Variants in ERGIC3 observed in about 807,000 individuals in gnomAD.
The protein encoded by ERGIC3 is ERGIC and golgi 3.
ERGIC3 carries 33 observed loss-of-function variants against 54.7 expected under a neutral mutation model. That is an observed-to-expected ratio of 0.60 (90% CI 0.46 to 0.81). The LOEUF (loss-of-function observed/expected upper bound fraction) is 0.81, where lower values mean the gene tolerates loss of function less well. Ranked by LOEUF, ERGIC3 falls within the 30% of genes least tolerant of loss-of-function variation. ERGIC3 has a pLI of 0.00. For missense variants in ERGIC3, 399 were observed against 488.4 expected (o/e 0.82, Z 1.73); for synonymous variants, 186 against 189.8 (o/e 0.98, Z 0.16).
At chr20:35,552,394 T>C (rs950519194) in intron 7 of ERGIC3, among the ~76,000 whole-genome samples, 1 of 152,172 alleles carries the variant, frequency 6.6e-6, no homozygotes, top group Non-Finnish European at 1.5e-5. Flanking sequence ...AGTCCGCGGC[T>C]GTGAATGCAA....
chr20:35,548,992 C>A, intron 7 of ERGIC3, 127 bp downstream of exon 7: 1 of 1,115,788 alleles, frequency 9.0e-7, no homozygotes, highest in Non-Finnish European at 1.3e-6. Flanking sequence ...GCCTTCATCT[C>A]AGGGCAGCAG....
At chr20:35,557,386 C>A (rs374976400) in intron 12 of ERGIC3, 39 bp from the exon 13 acceptor site, 2 of 1,609,338 alleles carry the variant, frequency 1.2e-6, no homozygotes, top group Non-Finnish European at 1.7e-6. Context: ...AAAGCCAAGG[C>A]CCCCACTGGG....
chr20:35,551,780 C>T (rs913705433), intron 7 of ERGIC3, among the ~76,000 whole-genome samples: 2 of 152,150 alleles, frequency 1.3e-5, no homozygotes, highest in African/African-American at 4.8e-5. Context: ...CATGTACATG[C>T]AACAGTCACT....
At chr20:35,547,541 A>G (rs2147305250) in intron 5 of ERGIC3, 36 bp downstream of exon 5, 1 of 1,591,350 alleles carries the variant, frequency 6.3e-7, no homozygotes, top group Non-Finnish European at 8.6e-7. Context: ...GGTTCCCATC[A>G]GGCGCCATCT....
intron 7 of ERGIC3, chr20:35,554,232 G>C: frequency 8.9e-7 from 1 of 1,125,476 alleles, no homozygotes; most frequent in Non-Finnish European, 1.4e-6. Flanking sequence ...GGGCCCAGAA[G>C]GAGGCTTGTT....
chr20:35,542,477 T>C (rs1601358098), intron 2 of ERGIC3, 36 bp from the exon 3 acceptor site: 1 of 1,613,856 alleles, frequency 6.2e-7, no homozygotes, highest in Non-Finnish European at 8.5e-7. Flanking sequence ...AAGGAGAGGT[T>C]TGGGGCTAAG....
chr20:35,553,032 T>TTTTTTTTTTTTTTTG (rs2064690186), intron 7 of ERGIC3, among the ~76,000 whole-genome samples: 1 of 123,614 alleles, frequency 8.1e-6, no homozygotes, highest in Non-Finnish European at 1.7e-5. Context: ...TTTTTTTTTT[T>TTTTTTTTTTTTTTTG]TTTTTTTTTT....
In ERGIC3 at chr20:35,554,316, T is replaced by C. The variant is rs571876802; in HGVS notation, c.686-728T>C. Reference sequence around the variant, plus strand: ...CCTGCAACATATCTTGCTCTCATAGTTCTCATTGTGAAGCTCTGAATCTTT... The same window carrying C: ...CCTGCAACATATCTTGCTCTCATAGCTCTCATTGTGAAGCTCTGAATCTTT... On this transcript the variant is annotated intron_variant, in intron 7 of 12. Transcript: ENST00000348547. 3.1e-6 allele frequency: 5 copies of C among 1,610,436 alleles called. No individual in the cohort carries two copies. The African/African-American group carries it at 5.3e-5, about 17-fold the overall frequency.
chr20:35,548,459 A>G lies in ERGIC3; in HGVS notation c.462-50A>G, dbSNP rs200914198. 9 of 1,594,196 alleles carry G rather than the reference A, an allele frequency of 5.6e-6. No homozygotes were observed. The East Asian group carries it at 2.0e-4, about 36-fold the overall frequency. On this transcript the variant is annotated intron_variant, in intron 5 of 12. Coordinates refer to ENST00000348547, the MANE Select transcript of ERGIC3 (RefSeq NM_015966.3). The stretch of plus-strand genomic sequence containing the variant: ...GGGCTCTATTTCCCCAGATGCCAGC[A>G]CTGGACTTATGCCTCTTTAACACTC...
At chr20:35,550,058 T>G (rs1253473743) in intron 7 of ERGIC3, among the ~76,000 whole-genome samples, 1 of 151,832 alleles carries the variant, frequency 6.6e-6, no homozygotes, top group African/African-American at 2.4e-5. Flanking sequence ...CAAGGCAGGA[T>G]AAAGATGGTA....
intron 4 of ERGIC3, chr20:35,543,852 G>A: frequency 2.7e-6 from 1 of 368,260 alleles, no homozygotes; most frequent in Admixed American, 3.5e-5. Flanking sequence ...CCACTGCTGT[G>A]TAACAAAGTA....
intron 4 of ERGIC3, chr20:35,543,438 A>G (rs2064628559): frequency 2.8e-6 from 1 of 355,830 alleles, no homozygotes; most frequent in African/African-American, 2.1e-5. Flanking sequence ...ATAAAACAGT[A>G]GTACCAACCA....
chr20:35,550,386 C>A (rs61479406), intron 7 of ERGIC3, among the ~76,000 whole-genome samples: 24,962 of 151,886 alleles, frequency 0.16, 2,232 homozygotes, highest in Middle Eastern at 0.29. Context: ...GAGGCCGAGG[C>A]GGGTGGATCA....
Position 35,556,970 on chromosome 20 carries a change from C to T in ERGIC3, c.880-3C>T, listed in dbSNP as rs754304886. 5 of 1,614,174 alleles carry T rather than the reference C, an allele frequency of 3.1e-6. No individual in the cohort carries two copies. ...CCTGGCCCAGGCTCCCCTCCCACCC[C>T]AGGTACTGAGGACAAATCAGTTCTC... On this transcript the variant is annotated splice_region_variant and splice_polypyrimidine_tract_variant and intron_variant, in intron 10 of 12. Coordinates refer to ENST00000348547, the MANE Select transcript of ERGIC3 (RefSeq NM_015966.3).
chr20:35,542,290 A>G (rs768005703), intron 1 of ERGIC3, 33 bp from the exon 2 acceptor site: 1 of 1,613,916 alleles, frequency 6.2e-7, no homozygotes, highest in Admixed American at 1.7e-5. Context: ...AGCGGATTCG[A>G]GGCCATTCTG....
Position 35,557,224 on chromosome 20 carries a change from C to T in ERGIC3, c.1047C>T (p.Cys349=), listed in dbSNP as rs147972524. The change falls in exon 12 of 13, where the codon TGC becomes TGT. Residue 349 remains cysteine, a synonymous_variant. Transcript: ENST00000348547. ...RSFTHFLTGV[C]AIIGGMFTVA... is the part of the protein sequence containing the mutation. ...TCACCCACTTCCTGACAGGTGTGTG[C>T]GCCATCATTGGGGGCATGTTCACAG... 85 of 1,614,110 alleles carry T rather than the reference C, an allele frequency of 5.3e-5. 1 individual carries two copies. Among genetic ancestry groups the T allele is most frequent in the South Asian group, 2.4e-4 (22 of 91,078 alleles).
intron 10 of ERGIC3, chr20:35,556,555 TG>T: frequency 1.9e-6 from 1 of 519,662 alleles, no homozygotes; most frequent in Non-Finnish European, 3.5e-6. Flanking sequence ...CTGCCTGGGC[TG>T]GGGGTTAGGC....
At position 35,542,505 on chromosome 20, in the gene ERGIC3, T is replaced by C. The variant is rs888334965; in HGVS notation, c.160-8T>C. Reference sequence around the variant, plus strand: ...GGGCTAAGTCTTACTGAGGTAGCGCTGCCCCAGGTGCATCCTGAGCTCTAC... The same window carrying C: ...GGGCTAAGTCTTACTGAGGTAGCGCCGCCCCAGGTGCATCCTGAGCTCTAC... On this transcript the variant is annotated splice_polypyrimidine_tract_variant and splice_region_variant and intron_variant, in intron 2 of 12. Coordinates refer to ENST00000348547, the MANE Select transcript of ERGIC3 (RefSeq NM_015966.3). 2 of 1,613,840 alleles carry C rather than the reference T, an allele frequency of 1.2e-6. No individual in the cohort carries two copies. The highest frequency in any genetic ancestry group is 2.7e-5 in the African/African-American group (2 of 74,890).
At chr20:35,554,788 A>G in intron 7 of ERGIC3, 3 of 603,598 alleles carry the variant, frequency 5.0e-6, no homozygotes, top group Non-Finnish European at 8.9e-6. Flanking sequence ...GTGGTAGTCA[A>G]GGCATAGAGT....
Sources: allele counts gnomAD v4.1 joint callset (sites outside exome capture counted in the v4.1 genomes callset), GRCh38; gene constraint gnomAD v4.1.1; transcripts MANE v1.5; gene names NCBI Gene and HGNC (gene_info 2026-07-23, HGNC 2026-07-21).